The following ZNF99 variants were observed in gnomAD, a reference collection of about 807,000 sequenced individuals.
ZNF99 encodes the protein zinc finger protein 99.
In ZNF99, 8 loss-of-function variants were observed where a neutral mutation model predicts 12.8. The ratio of observed to expected loss-of-function variants is 0.62; its 90% CI spans 0.37 to 1.13. The LOEUF is 1.13. Ranked by LOEUF, ZNF99 falls within the 50% of genes most tolerant of loss-of-function variation. ZNF99 has a pLI of 0.02. For missense variants in ZNF99, 1,007 were observed against 1,006.2 expected, an observed-to-expected ratio of 1.00 and a Z score of -0.01; for synonymous variants, 318 against 319.0, an observed-to-expected ratio of 1.00 and a Z score of 0.03.
Position 22,769,305 on chromosome 19 carries a change from TC to T in ZNF99, c.22del (p.Asp8MetfsTer2). ...CTCCAGAGCGAATTCTATGGTCACA[TC>T]CCAAAATGTCAACGATCCCTGAAAA... is the stretch of plus-strand genomic sequence containing the variant. MGSLTFW[D>X]VTIEFALEEW... On this transcript the variant is annotated frameshift_variant, in exon 2 of 4. Transcript: ENST00000596209. LOFTEE classifies it high-confidence loss of function. 6.2e-7 allele frequency: 1 copy of T among 1,607,882 alleles called. No individual in the cohort carries two copies. Among genetic ancestry groups the T allele is most frequent in the Non-Finnish European group, 8.5e-7 (1 of 1,177,226 alleles).
intron 1 of ZNF99, among the ~76,000 whole-genome samples, chr19:22,772,867 C>G (rs1973288064): frequency 6.6e-6 from 1 of 152,070 alleles, no homozygotes; most frequent in African/African-American, 2.4e-5. Context: ...AGCAGGTGTT[C>G]CCTGCACATC....
Position 22,759,384 on chromosome 19 carries a change from A to G in ZNF99, c.525T>C (p.Cys175=), listed in dbSNP as rs1216652470. The change falls in exon 4 of 4, where the codon TGT becomes TGC. Residue 175 remains cysteine, a synonymous_variant. Transcript: ENST00000596209. ...IRHTKKKTFK[C]MKCSKSFFML... is the part of the protein sequence containing the mutation. ...TGAAAAATGATTTGCTACATTTCAT[A>G]CATTTGAAAGTTTTCTTTTTAGTGT... 2 of 1,558,684 alleles carry G rather than the reference A, an allele frequency of 1.3e-6. No homozygotes were observed. Among genetic ancestry groups the G allele is most frequent in the African/African-American group, 1.4e-5 (1 of 73,406 alleles).
At chr19:22,762,342 C>T (rs533617438) in intron 3 of ZNF99, among the ~76,000 whole-genome samples, 1 of 152,162 alleles carries the variant, frequency 6.6e-6, no homozygotes, top group East Asian at 1.9e-4. Context: ...AAAGATCATT[C>T]AAGGCTACTA....
rs776943563 is a variant in ZNF99 at position 22,758,744 on chromosome 19, T to G, written c.1165A>C (p.Ile389Leu). ...TAGGGTTTCTGTCCAGTATGAATTATCTCATGTTTTCTAAGGGCTGACAAA... is the reference window on the plus strand; with the variant it reads ...TAGGGTTTCTGTCCAGTATGAATTAGCTCATGTTTTCTAAGGGCTGACAAA... ...SNLSALRKHEIIHTGQKPYKC... is the reference protein window; with the variant it reads ...SNLSALRKHELIHTGQKPYKC... The change falls in exon 4 of 4, where the codon ATA becomes CTA. Residue 389 changes from isoleucine (I) to leucine (L), a missense_variant. By Grantham distance (5) the Ile-to-Leu change is conservative. Transcript: ENST00000596209. The G allele has an allele frequency of 5.0e-6, 8 of 1,613,602 alleles. No homozygotes were observed. The highest frequency in any genetic ancestry group is 2.2e-5 in the East Asian group (1 of 44,874).
At chr19:22,765,007 G>A (rs1342532590) in intron 3 of ZNF99, among the ~76,000 whole-genome samples, 2 of 152,064 alleles carry the variant, frequency 1.3e-5, no homozygotes, top group African/African-American at 2.4e-5. Context: ...AGGAAAAGAA[G>A]TCATTATATG....
At chr19:22,778,780 C>T (rs944686848) in intron 1 of ZNF99, among the ~76,000 whole-genome samples, 8 of 151,954 alleles carry the variant, frequency 5.3e-5, no homozygotes, top group East Asian at 1.9e-4. Context: ...CCAAGGTGGG[C>T]GATCACCTGA....
At chr19:22,780,904 G>A (rs1208186114) in intron 1 of ZNF99, among the ~76,000 whole-genome samples, 2 of 150,766 alleles carry the variant, frequency 1.3e-5, no homozygotes, top group Non-Finnish European at 1.5e-5. Flanking sequence ...GGAAATATGT[G>A]CATTTTCTAA....
chr19:22,761,685 TAC>T (rs1350163943), intron 3 of ZNF99, among the ~76,000 whole-genome samples: 36 of 152,172 alleles, frequency 2.4e-4, no homozygotes, highest in African/African-American at 8.4e-4. Flanking sequence ...CTGCAGAATA[TAC>T]ATTCTACTCA....
chr19:22,782,843 T>G (rs1211746603), intron 1 of ZNF99, among the ~76,000 whole-genome samples: 2 of 151,572 alleles, frequency 1.3e-5, no homozygotes, highest in African/African-American at 4.8e-5. Context: ...CTAATTTTTG[T>G]ATTTTTATTA....
Position 22,752,347 on chromosome 19 carries a change from C to T in ZNF99, c.*4967G>A, listed in dbSNP as rs1006817751. ...GAATAAATGTTGAAGGTGAAGAATCCCTCATTTACCCTGACGTGATTATTA... is the reference window on the plus strand; with the variant it reads ...GAATAAATGTTGAAGGTGAAGAATCTCTCATTTACCCTGACGTGATTATTA... On this transcript the variant is annotated 3_prime_UTR_variant, in exon 4 of 4. Coordinates refer to ENST00000596209, the MANE Select transcript of ZNF99 (RefSeq NM_001080409.3). 1.3e-5 allele frequency: 2 copies of T among 151,276 alleles called. No homozygotes were observed. Among genetic ancestry groups the T allele is most frequent in the Admixed American group, 6.6e-5 (1 of 15,194 alleles). 9.4% of individuals were successfully genotyped at this position (151,276 alleles called of 1,614,324 possible).
intron 1 of ZNF99, among the ~76,000 whole-genome samples, chr19:22,781,131 G>A (rs1973382404): frequency 6.6e-6 from 1 of 151,896 alleles, no homozygotes; most frequent in African/African-American, 2.4e-5. Flanking sequence ...TTTTGCCCTT[G>A]GTTAAGTATT....
chr19:22,769,812 T>G, intron 1 of ZNF99: 1 of 1,238,634 alleles, frequency 8.1e-7, no homozygotes, highest in South Asian at 1.4e-5. Context: ...TAATGTATTC[T>G]CAAACTCTGA....
intron 1 of ZNF99, among the ~76,000 whole-genome samples, chr19:22,779,484 C>T (rs534163465): frequency 4.5e-4 from 68 of 152,172 alleles, no homozygotes; most frequent in South Asian, 1.0e-3. Flanking sequence ...AAGATCGTGC[C>T]ACTGCACTCC....
At chr19:22,766,588 C>G (rs1271542639) in intron 3 of ZNF99, among the ~76,000 whole-genome samples, 1 of 151,726 alleles carries the variant, frequency 6.6e-6, no homozygotes, top group Non-Finnish European at 1.5e-5. Flanking sequence ...CCACCCACTT[C>G]GGTCTCCCAA....
intron 3 of ZNF99, among the ~76,000 whole-genome samples, chr19:22,763,730 T>C (rs1347625975): frequency 6.6e-6 from 1 of 152,040 alleles, no homozygotes; most frequent in Non-Finnish European, 1.5e-5. Context: ...CTTCAAACTA[T>C]ACTATAAAGC....
intron 1 of ZNF99, among the ~76,000 whole-genome samples, chr19:22,771,517 A>G (rs1210062656): frequency 6.6e-6 from 1 of 151,814 alleles, no homozygotes; most frequent in Non-Finnish European, 1.5e-5. Context: ...GGCCTCCCAA[A>G]GTGCTGGGAT....
At chr19:22,782,859 G>A (rs1280554461) in intron 1 of ZNF99, among the ~76,000 whole-genome samples, 2 of 150,528 alleles carry the variant, frequency 1.3e-5, no homozygotes, top group Admixed American at 6.6e-5. Flanking sequence ...TATTAGAGAC[G>A]GAGTTTTACC....
rs776234161 is a variant in ZNF99 at position 22,758,257 on chromosome 19, G to A, written c.1652C>T (p.Thr551Ile). The A allele has an allele frequency of 6.3e-7, 1 of 1,599,782 alleles. No individual in the cohort carries two copies. Among genetic ancestry groups the A allele is most frequent in the African/African-American group, 1.3e-5 (1 of 74,470 alleles). ...ECGKAFNNSS[T>I]LMKHKIIHTG... ...ATGAATTATCTTATGTTTCATAAGG[G>A]TTGAGGAATTGTTAAAAGCTTTGCC... is the stretch of plus-strand genomic sequence containing the variant. Residue 551 changes from threonine (T) to isoleucine (I), a missense_variant, in exon 4 of 4, where the codon ACC becomes ATC. By Grantham distance (89) the Thr-to-Ile change is moderately conservative. Coordinates refer to ENST00000596209, the MANE Select transcript of ZNF99 (RefSeq NM_001080409.3).
Position 22,757,927 on chromosome 19 carries a change from G to C in ZNF99, c.1982C>G (p.Ser661Cys), listed in dbSNP as rs760843323. 2.5e-6 allele frequency: 4 copies of C among 1,611,002 alleles called. No individual in the cohort carries two copies. In the Middle Eastern group the frequency reaches 6.6e-4, roughly 266 times the overall value. The stretch of plus-strand genomic sequence containing the variant: ...TACTTTATGTCTAGTAAGGTGTGAG[G>C]ACCACTTAAAAGCTTTACCACATTC... The part of the protein sequence containing the change: ...CEECGKAFKW[S>C]SHLTRHKVIH... Residue 661 changes from serine to cysteine, a missense_variant, in exon 4 of 4, where the codon TCC becomes TGC. Ser to Cys is a moderately radical substitution (Grantham distance 112). Coordinates refer to ENST00000596209, the MANE Select transcript of ZNF99 (RefSeq NM_001080409.3).
Sources: gnomAD v4.1 joint callset for allele counts (sites outside exome capture counted in the v4.1 genomes callset) on GRCh38, gnomAD v4.1.1 for gene constraint, MANE v1.5 for transcripts, NCBI Gene and HGNC (gene_info 2026-07-23, HGNC 2026-07-21) for gene names.